Variants in MYO3A observed in about 807,000 individuals in gnomAD.
MYO3A encodes myosin IIIA.
A neutral mutation model predicts 192.7 loss-of-function variants in MYO3A; 180 were observed. The ratio of observed to expected loss-of-function variants is 0.93; its 90% confidence interval spans 0.83 to 1.06. MYO3A has a LOEUF of 1.06. Ranked by LOEUF, MYO3A falls within the 50% of genes least tolerant of loss-of-function variation. MYO3A has a pLI of 0.00. For synonymous variants in MYO3A, 628 were observed against 645.3 expected (o/e 0.97, Z 0.41); for missense variants, 1,896 against 1,905.0 (o/e 1.00, Z 0.09).
At chr10:26,140,124 T>C (rs1442897228) in intron 20 of MYO3A, among the ~76,000 whole-genome samples, 1 of 152,140 alleles carries the variant, frequency 6.6e-6, no homozygotes, top group Non-Finnish European at 1.5e-5. Context: ...AAGTGAACCC[T>C]CATTGTATTA....
At chr10:26,090,345 A>G (rs1836624244) in intron 15 of MYO3A, among the ~76,000 whole-genome samples, 1 of 152,238 alleles carries the variant, frequency 6.6e-6, no homozygotes, top group Non-Finnish European at 1.5e-5. Context: ...AAATAATATC[A>G]TTAATGCTTA....
chr10:25,936,607 A>G (rs6482521), intron 2 of MYO3A, among the ~76,000 whole-genome samples: 1 of 152,096 alleles, frequency 6.6e-6, no homozygotes, highest in Non-Finnish European at 1.5e-5. Context: ...TAAGCTTTCA[A>G]ATTGATACAC....
At chr10:25,950,437 C>A (rs1837138325) in intron 2 of MYO3A, among the ~76,000 whole-genome samples, 2 of 152,028 alleles carry the variant, frequency 1.3e-5, no homozygotes, top group Admixed American at 1.3e-4. Flanking sequence ...TTCCAGAGAA[C>A]AGGGAATATA....
chr10:26,012,521 T>C (rs1364662317), intron 6 of MYO3A, among the ~76,000 whole-genome samples: 1 of 152,078 alleles, frequency 6.6e-6, no homozygotes, highest in East Asian at 1.9e-4. Flanking sequence ...TACTCAGGAA[T>C]ATACTTAACT....
chr10:25,999,976 C>T (rs1165242039), intron 6 of MYO3A, among the ~76,000 whole-genome samples: 1 of 152,164 alleles, frequency 6.6e-6, no homozygotes, highest in Non-Finnish European at 1.5e-5. Flanking sequence ...GCCTGGGCTC[C>T]TGCAGTTATA....
intron 31 of MYO3A, among the ~76,000 whole-genome samples, chr10:26,186,915 T>TG (rs1842896546): frequency 6.6e-6 from 1 of 152,230 alleles, no homozygotes; most frequent in African/African-American, 2.4e-5. Context: ...TTATGACTTC[T>TG]GAATCTTGAT....
At chr10:25,940,047 C>G (rs1000239167) in intron 2 of MYO3A, among the ~76,000 whole-genome samples, 1 of 152,146 alleles carries the variant, frequency 6.6e-6, no homozygotes, top group South Asian at 2.1e-4. Context: ...TTGAGGATTA[C>G]ATGGTACCAT....
At chr10:25,983,532 C>T (rs1297871125) in intron 4 of MYO3A, among the ~76,000 whole-genome samples, 2 of 152,136 alleles carry the variant, frequency 1.3e-5, no homozygotes, top group Admixed American at 6.5e-5. Context: ...GCTGGGATTA[C>T]AGGTGTGAGC....
chr10:26,073,532 G>T (rs1346282696), intron 14 of MYO3A, among the ~76,000 whole-genome samples: 5 of 151,586 alleles, frequency 3.3e-5, no homozygotes, highest in Non-Finnish European at 7.4e-5. Flanking sequence ...GGCAGAGCTT[G>T]CAGTGAGCCG....
At chr10:25,986,094 A>C (rs1349295085) in intron 4 of MYO3A, among the ~76,000 whole-genome samples, 1 of 152,236 alleles carries the variant, frequency 6.6e-6, no homozygotes, top group Non-Finnish European at 1.5e-5. Flanking sequence ...AACAGAATTA[A>C]AAATAATAAT....
intron 2 of MYO3A, among the ~76,000 whole-genome samples, chr10:25,950,022 A>G (rs1837102079): frequency 6.6e-6 from 1 of 152,194 alleles, no homozygotes; most frequent in African/African-American, 2.4e-5. Context: ...TTGTGGATAC[A>G]GTCATAAAAT....
chr10:26,059,463 C>T (rs1329818463), intron 10 of MYO3A, among the ~76,000 whole-genome samples: 3 of 152,090 alleles, frequency 2.0e-5, no homozygotes, highest in Non-Finnish European at 4.4e-5. Context: ...ACTTTTTAGC[C>T]TATTGATGTG....
At chr10:25,969,165 G>A (rs533150663) in intron 4 of MYO3A, among the ~76,000 whole-genome samples, 49 of 152,238 alleles carry the variant, frequency 3.2e-4, no homozygotes, top group African/African-American at 9.9e-4. Context: ...CCCGGGAGGC[G>A]GAACTTGCAG....
chr10:25,946,951 A>G (rs945899013), intron 2 of MYO3A, among the ~76,000 whole-genome samples: 5 of 146,260 alleles, frequency 3.4e-5, no homozygotes, highest in Admixed American at 3.4e-4. Context: ...TTCTAGATGC[A>G]TGTCTTTCCT....
At chr10:26,179,903 G>A (rs1454467591) in intron 31 of MYO3A, among the ~76,000 whole-genome samples, 3 of 152,058 alleles carry the variant, frequency 2.0e-5, no homozygotes, top group Non-Finnish European at 4.4e-5. Context: ...GCACGACCTC[G>A]GCTCACTGCC....
At chr10:26,128,331 C>T in intron 19 of MYO3A, 60 bp from the exon 20 acceptor site, 1 of 1,544,622 alleles carries the variant, frequency 6.5e-7, no homozygotes, top group Non-Finnish European at 8.9e-7. Context: ...TCTAAGATTC[C>T]CTGTTTTACA....
intron 32 of MYO3A, among the ~76,000 whole-genome samples, chr10:26,199,262 C>A (rs1274330218): frequency 6.6e-6 from 1 of 152,146 alleles, no homozygotes; most frequent in Non-Finnish European, 1.5e-5. Flanking sequence ...TGAGAATATT[C>A]TAACACAAGG....
At chr10:26,131,825 G>A (rs2131774224) in intron 20 of MYO3A, among the ~76,000 whole-genome samples, 1 of 152,150 alleles carries the variant, frequency 6.6e-6, no homozygotes, top group South Asian at 2.1e-4. Flanking sequence ...AAAATTAGAT[G>A]GTAATCTATG....
intron 15 of MYO3A, among the ~76,000 whole-genome samples, chr10:26,095,257 C>T (rs867044674): frequency 1.4e-4 from 22 of 152,268 alleles, no homozygotes; most frequent in African/African-American, 5.3e-4. Flanking sequence ...AAAGTGAAGA[C>T]AGCAAGTCCT....
Sources: gnomAD v4.1 joint callset for allele counts (sites outside exome capture counted in the v4.1 genomes callset) on GRCh38, gnomAD v4.1.1 for gene constraint, MANE v1.5 for transcripts, NCBI Gene and HGNC (gene_info 2026-07-23, HGNC 2026-07-21) for gene names.